Variants in TBC1D1 observed in about 807,000 individuals in gnomAD.
TBC1D1 encodes TBC1 (tre-2/USP6, BUB2, cdc16) domain family, member 1.
Under a neutral mutation model 125.6 loss-of-function variants are expected in TBC1D1, and 89 were observed. The observed-to-expected ratio is 0.71, with a 90% CI of 0.60 to 0.85. The LOEUF (loss-of-function observed/expected upper bound fraction) is 0.85, where lower values mean the gene tolerates loss of function less well. TBC1D1 is among the 40% of genes least tolerant of loss of function. The pLI, the probability that TBC1D1 is intolerant of heterozygous loss-of-function variation, is 0.00. For synonymous variants in TBC1D1, 565 were observed against 564.1 expected (o/e 1.00, Z -0.02); for missense variants, 1,377 against 1,469.2 (o/e 0.94, Z 1.03).
intron 2 of TBC1D1, among the ~76,000 whole-genome samples, chr4:37,974,209 T>A (rs1732592836): frequency 6.6e-6 from 1 of 152,124 alleles, no homozygotes; most frequent in Non-Finnish European, 1.5e-5. Context: ...AAGGCCCTTT[T>A]CAAGGGTGGC....
At chr4:37,957,071 C>T (rs1469405335) in intron 2 of TBC1D1, among the ~76,000 whole-genome samples, 1 of 152,294 alleles carries the variant, frequency 6.6e-6, no homozygotes, top group Admixed American at 6.5e-5. Context: ...TGGCCTCCCT[C>T]CCCTTACAGG....
At chr4:38,126,666 A>T (rs1264271651) in intron 18 of TBC1D1, among the ~76,000 whole-genome samples, 1 of 152,170 alleles carries the variant, frequency 6.6e-6, no homozygotes, top group African/African-American at 2.4e-5. Context: ...CTTGATGTGG[A>T]TAGCTTTGGC....
At position 38,126,319 on chromosome 4, in the gene TBC1D1, G is replaced by A. The variant is rs565094956; in HGVS notation, c.3132+1188G>A. Reference sequence around the variant, plus strand: ...TGCAACACACAACTGTGTAACGAAAGCATAGAGCAATCAGGCAAAAACAAA... The same window carrying A: ...TGCAACACACAACTGTGTAACGAAAACATAGAGCAATCAGGCAAAAACAAA... On this transcript the variant is annotated intron_variant, in intron 18 of 19. Transcript: ENST00000261439. 1.4e-4 allele frequency among the ~76,000 whole-genome samples: 22 copies of A among 152,324 alleles called. No homozygotes were observed. The South Asian group carries it at 3.1e-3, about 22-fold the overall frequency.
intron 18 of TBC1D1, among the ~76,000 whole-genome samples, chr4:38,131,626 G>A (rs1211158213): frequency 2.0e-5 from 3 of 152,202 alleles, no homozygotes; most frequent in Non-Finnish European, 4.4e-5. Flanking sequence ...AGGAACTGTG[G>A]CTGAGAGAGG....
At chr4:37,915,368 C>T (rs561628288) in intron 2 of TBC1D1, among the ~76,000 whole-genome samples, 1 of 152,232 alleles carries the variant, frequency 6.6e-6, no homozygotes, top group African/African-American at 2.4e-5. Flanking sequence ...CCAGGTAAGC[C>T]AGTGGTGTAG....
rs1255323354 is a variant in TBC1D1 at position 38,035,607 on chromosome 4, A to T, written c.1322A>T (p.Glu441Val). ...TTAAAGAAATTGAGACCGAGAAATGAGCAGCGAGAGAATGAATTGATTATT... is the reference window on the plus strand; with the variant it reads ...TTAAAGAAATTGAGACCGAGAAATGTGCAGCGAGAGAATGAATTGATTATT... Residue 441 changes from glutamate to valine, a missense_variant, in exon 8 of 20, where the codon GAG becomes GTG. By Grantham distance (121) the Glu-to-Val change is moderately radical. Transcript: ENST00000261439. 1 of 1,613,688 alleles carries T rather than the reference A, an allele frequency of 6.2e-7. No individual in the cohort carries two copies. Among genetic ancestry groups the T allele is most frequent in the South Asian group, 1.1e-5 (1 of 90,888 alleles).
In TBC1D1 at chr4:38,137,281, A is replaced by G. The variant is rs761484715; in HGVS notation, c.3453A>G (p.Ala1151=). Reference sequence around the variant, plus strand: ...TGGAGGAGCTGCGGCGGCGGAGCGCAGAGCCCAGCGACCGGGAGCCTGAGT... The same window carrying G: ...TGGAGGAGCTGCGGCGGCGGAGCGCGGAGCCCAGCGACCGGGAGCCTGAGT... The change falls in exon 20 of 20, where the codon GCA becomes GCG. Residue 1151 remains alanine (A), a synonymous_variant. Transcript: ENST00000261439. 1.2e-6 allele frequency: 2 copies of G among 1,611,666 alleles called. No individual in the cohort carries two copies. The highest frequency in any genetic ancestry group is 1.1e-5 in the South Asian group (1 of 90,982).
chr4:38,079,346 T>G (rs930327090), intron 12 of TBC1D1, among the ~76,000 whole-genome samples: 1 of 152,196 alleles, frequency 6.6e-6, no homozygotes, highest in Non-Finnish European at 1.5e-5. Flanking sequence ...AATACATTCT[T>G]AAGAAAATGG....
At chr4:37,956,480 TCAATA>T (rs1451734138) in intron 2 of TBC1D1, among the ~76,000 whole-genome samples, 1 of 152,210 alleles carries the variant, frequency 6.6e-6, no homozygotes, top group African/African-American at 2.4e-5. Flanking sequence ...CAGTAGGTGC[TCAATA>T]CATATTGAAT....
chr4:37,929,815 A>G (rs925629568), intron 2 of TBC1D1, among the ~76,000 whole-genome samples: 1 of 152,334 alleles, frequency 6.6e-6, no homozygotes, highest in Non-Finnish European at 1.5e-5. Flanking sequence ...ACTAAACGAT[A>G]TTAACTAAAC....
chr4:38,099,510 G>T (rs986282366), intron 14 of TBC1D1, among the ~76,000 whole-genome samples: 1 of 152,202 alleles, frequency 6.6e-6, no homozygotes, highest in African/African-American at 2.4e-5. Context: ...ACTGTCAAAA[G>T]CTTCCTGCTT....
At chr4:37,971,203 TA>T (rs960375293) in intron 2 of TBC1D1, among the ~76,000 whole-genome samples, 5 of 152,206 alleles carry the variant, frequency 3.3e-5, no homozygotes, top group African/African-American at 1.2e-4. Context: ...AGCATCCTTT[TA>T]AAGTTACTTA....
In TBC1D1 at chr4:37,969,606, A is replaced by G. The variant is rs192159052; in HGVS notation, c.418-44903A>G. On this transcript the variant is annotated intron_variant, in intron 2 of 19. Coordinates refer to ENST00000261439, the MANE Select transcript of TBC1D1 (RefSeq NM_015173.4). Reference sequence around the variant, plus strand: ...GGTGATCCACTGCCTCAGCCTCCCAAAAAGTGCTGGGATTACAGGCATGAG... The same window carrying G: ...GGTGATCCACTGCCTCAGCCTCCCAGAAAGTGCTGGGATTACAGGCATGAG... Among the ~76,000 whole-genome samples, 265 of 152,276 alleles carry G rather than the reference A, an allele frequency of 1.7e-3. 1 individual carries two copies. The highest frequency in any genetic ancestry group is 7.9e-3 in the South Asian group (38 of 4,818).
intron 12 of TBC1D1, among the ~76,000 whole-genome samples, chr4:38,077,646 T>TC (rs1304343351): frequency 2.6e-5 from 4 of 151,946 alleles, no homozygotes; most frequent in Non-Finnish European, 4.4e-5. Context: ...TTTTTTTTTT[T>TC]TTGCCTTCAA....
chr4:38,029,441 C>T (rs1188685064), intron 7 of TBC1D1, among the ~76,000 whole-genome samples: 1 of 152,232 alleles, frequency 6.6e-6, no homozygotes, highest in African/African-American at 2.4e-5. Flanking sequence ...GATCTTGGCT[C>T]ACTGCAACCT....
chr4:38,034,616 C>G (rs1370569809), intron 7 of TBC1D1, among the ~76,000 whole-genome samples: 4 of 152,058 alleles, frequency 2.6e-5, no homozygotes, highest in African/African-American at 9.7e-5. Context: ...GTGGTGTTGA[C>G]CCAGATTCAG....
rs549104289 is a variant in TBC1D1, at chr4:38,104,448, C to T, written c.2557+1291C>T. On this transcript the variant is annotated intron_variant, in intron 15 of 19. Transcript: ENST00000261439. ...TGGCAATGCACTCCCGTTTGCCTGC[C>T]GCCTATCACCCAAGCTGCTGTCTCT... Among the ~76,000 whole-genome samples, 72 of 152,316 alleles carry T rather than the reference C, an allele frequency of 4.7e-4. 1 individual carries two copies. In the South Asian group the frequency reaches 0.013, roughly 28 times the overall value.
chr4:38,022,770 C>A (rs933842674), intron 6 of TBC1D1, among the ~76,000 whole-genome samples: 1 of 152,072 alleles, frequency 6.6e-6, no homozygotes, highest in Admixed American at 6.6e-5. Flanking sequence ...TATCTGAAGG[C>A]ATCTGGAAGG....
At chr4:38,008,048 A>G (rs193015979) in intron 2 of TBC1D1, among the ~76,000 whole-genome samples, 18 of 152,336 alleles carry the variant, frequency 1.2e-4, no homozygotes, top group East Asian at 7.7e-4. Context: ...GGGCTTGAAA[A>G]TACTGGCCAT....
Sources: gnomAD v4.1 joint callset for allele counts (sites outside exome capture counted in the v4.1 genomes callset) on GRCh38, gnomAD v4.1.1 for gene constraint, MANE v1.5 for transcripts, NCBI Gene and HGNC (gene_info 2026-07-23, HGNC 2026-07-21) for gene names.